Variants in ASAP1 observed in about 807,000 individuals in gnomAD.
ASAP1 encodes the protein arf-GAP with SH3 domain, ANK repeat and PH domain-containing protein 1.
In ASAP1, 43 loss-of-function variants were observed where a neutral mutation model predicts 145.2. That is an observed-to-expected ratio of 0.30 (90% CI 0.23 to 0.38). The LOEUF is 0.38. Ranked by LOEUF, ASAP1 falls within the 10% of genes least tolerant of loss-of-function variation. The pLI, the probability that ASAP1 is intolerant of heterozygous loss-of-function variation, is 1.00. For synonymous variants in ASAP1, 546 were observed against 515.5 expected (o/e 1.06, Z -0.80); for missense variants, 1,018 against 1,355.3 (o/e 0.75, Z 3.91).
At chr8:130,230,355 A>C (rs1426200811) in intron 4 of ASAP1, among the ~76,000 whole-genome samples, 1 of 152,192 alleles carries the variant, frequency 6.6e-6, no homozygotes, top group African/African-American at 2.4e-5. Context: ...ACTAGGATCC[A>C]AAAATTGAAA....
chr8:130,315,651 T>TTC (rs1823622714), intron 3 of ASAP1, among the ~76,000 whole-genome samples: 1 of 152,070 alleles, frequency 6.6e-6, no homozygotes, highest in Non-Finnish European at 1.5e-5. Context: ...ATTAGCAGGG[T>TTC]CCCCTGCTTC....
intron 4 of ASAP1, among the ~76,000 whole-genome samples, chr8:130,224,385 T>C (rs1817471344): frequency 6.6e-6 from 1 of 152,168 alleles, no homozygotes; most frequent in South Asian, 2.1e-4. Context: ...TTAATTCTAT[T>C]TGTTTTTAAA....
chr8:130,298,434 TCTC>T (rs796899799), intron 3 of ASAP1, among the ~76,000 whole-genome samples: 52 of 152,250 alleles, frequency 3.4e-4, no homozygotes, highest in African/African-American at 1.2e-3. Flanking sequence ...CTCCATCCCA[TCTC>T]CTCTTCGAGG....
chr8:130,387,404 C>T (rs555402926), intron 2 of ASAP1, among the ~76,000 whole-genome samples: 5 of 152,146 alleles, frequency 3.3e-5, no homozygotes, highest in Admixed American at 6.5e-5. Context: ...AGCATGGTGG[C>T]GCTCGCCTGT....
chr8:130,114,141 A>G (rs1049859098), intron 23 of ASAP1, among the ~76,000 whole-genome samples: 1 of 152,240 alleles, frequency 6.6e-6, no homozygotes, highest in Non-Finnish European at 1.5e-5. Flanking sequence ...TCTAATCCAT[A>G]TTTAATGAAC....
At chr8:130,219,191 C>T (rs1018411775) in intron 4 of ASAP1, among the ~76,000 whole-genome samples, 1 of 123,470 alleles carries the variant, frequency 8.1e-6, no homozygotes, top group Non-Finnish European at 1.8e-5. Flanking sequence ...ACAGGTCTCA[C>T]ATGTCTTTTT....
intron 3 of ASAP1, among the ~76,000 whole-genome samples, chr8:130,349,770 T>C (rs1318093132): frequency 6.6e-6 from 1 of 152,218 alleles, no homozygotes; most frequent in Non-Finnish European, 1.5e-5. Flanking sequence ...AGGGACATAC[T>C]TTACTGACAC....
intron 5 of ASAP1, among the ~76,000 whole-genome samples, chr8:130,210,102 T>C (rs1265915649): frequency 1.3e-5 from 2 of 152,238 alleles, no homozygotes; most frequent in African/African-American, 4.8e-5. Context: ...GAAATGGCTC[T>C]TAAAATACTC....
rs61191438 is a variant in ASAP1 at position 130,237,036 on chromosome 8, T to A, written c.187-42A>T. ...GGGGAAAAGATATTAGAAGATTTGG[T>A]AAATTAAAAAAATAATAAGAAAAAT... On this transcript the variant is annotated intron_variant, in intron 3 of 29. Transcript: ENST00000518721. 1.8e-3 allele frequency: 2,589 copies of A among 1,430,240 alleles called. 38 individuals are homozygous for A. In the African/African-American group the frequency reaches 0.035, roughly 19 times the overall value. The allele number at this position is 1,430,240 out of a possible 1,614,324, so 88.6% of individuals were successfully genotyped here.
At chr8:130,133,715 C>T (rs2097587449) in intron 15 of ASAP1, among the ~76,000 whole-genome samples, 1 of 152,102 alleles carries the variant, frequency 6.6e-6, no homozygotes, top group South Asian at 2.1e-4. Flanking sequence ...AACTCCAACC[C>T]AGGAGTATGT....
intron 23 of ASAP1, among the ~76,000 whole-genome samples, chr8:130,113,863 C>T (rs1219059195): frequency 2.6e-5 from 4 of 152,020 alleles, no homozygotes; most frequent in Non-Finnish European, 5.9e-5. Context: ...CTCATCACAG[C>T]CTTGAGTTCC....
chr8:130,438,884 C>A (rs1830402401), intron 1 of ASAP1, among the ~76,000 whole-genome samples: 2 of 152,284 alleles, frequency 1.3e-5, no homozygotes, highest in African/African-American at 4.8e-5. Flanking sequence ...AGGAACCTCT[C>A]CCCAGAGCTC....
At position 130,166,172 on chromosome 8, in the gene ASAP1, A is replaced by G. The variant is rs75064243; in HGVS notation, c.909+1364T>C. Among the ~76,000 whole-genome samples, 3 of 152,138 alleles carry G rather than the reference A, an allele frequency of 2.0e-5. No individual in the cohort carries two copies. The East Asian group carries it at 5.8e-4, about 29-fold the overall frequency. ...CAGGCACATGCCACCATGCGTGGCT[A>G]ATTTTTCAAAATTTTTTGTAGACAC... On this transcript the variant is annotated intron_variant, in intron 11 of 29. Coordinates refer to ENST00000518721, the MANE Select transcript of ASAP1 (RefSeq NM_018482.4).
chr8:130,286,951 T>C (rs1187526539), intron 3 of ASAP1, among the ~76,000 whole-genome samples: 1 of 152,030 alleles, frequency 6.6e-6, no homozygotes, highest in Non-Finnish European at 1.5e-5. Flanking sequence ...GCGATTCAGA[T>C]GAAGAAGGCC....
At chr8:130,407,561 T>C (rs16904264) in intron 1 of ASAP1, among the ~76,000 whole-genome samples, 2 of 152,208 alleles carry the variant, frequency 1.3e-5, no homozygotes, top group African/African-American at 4.8e-5. Context: ...CAACCTCTCA[T>C]TTCCCGCTGC....
chr8:130,358,593 A>T lies in ASAP1; in HGVS notation c.60-450T>A, dbSNP rs1389794203. Among the ~76,000 whole-genome samples the T allele has an allele frequency of 5.5e-5, 8 of 145,830 alleles. No homozygotes were observed. The highest frequency in any genetic ancestry group is 5.4e-4 in the Admixed American group (8 of 14,754). The stretch of plus-strand genomic sequence containing the variant: ...ACAGGCGGCGGCGCGGGCCTGACTG[A>T]CTGAGCGCACACTCCCGCGGCGGGC... On this transcript the variant is annotated intron_variant, in intron 2 of 29. Transcript: ENST00000518721. This position sits in a 1 kb window ranked among gnomAD's most constrained non-coding sequence, Gnocchi z 4.1.
intron 26 of ASAP1, among the ~76,000 whole-genome samples, chr8:130,076,762 C>A (rs891613839): frequency 6.6e-6 from 1 of 152,190 alleles, no homozygotes; most frequent in African/African-American, 2.4e-5. Context: ...CTCGTGGATC[C>A]ACCCACCTCA....
chr8:130,393,417 G>A (rs1401525206), intron 2 of ASAP1, among the ~76,000 whole-genome samples: 1 of 152,166 alleles, frequency 6.6e-6, no homozygotes, highest in Non-Finnish European at 1.5e-5. Flanking sequence ...TTTACTGTGG[G>A]CCTGGTACTC....
At chr8:130,347,515 G>C (rs1251264289) in intron 3 of ASAP1, among the ~76,000 whole-genome samples, 3 of 152,246 alleles carry the variant, frequency 2.0e-5, no homozygotes, top group African/African-American at 7.2e-5. Flanking sequence ...GATGAGGCCA[G>C]AAGAACTGAA....
Sources: allele counts gnomAD v4.1 joint callset (sites outside exome capture counted in the v4.1 genomes callset), GRCh38; gene constraint gnomAD v4.1.1; non-coding constraint Gnocchi (gnomAD v3.1); transcripts MANE v1.5; gene names NCBI Gene and HGNC (gene_info 2026-07-23, HGNC 2026-07-21).